Variants in LRRC2 observed in about 807,000 individuals in gnomAD.
LRRC2 encodes the protein leucine rich repeat containing 2.
A neutral mutation model predicts 40.2 loss-of-function variants in LRRC2; 27 were observed. The observed-to-expected ratio is 0.67, with a 90% CI of 0.49 to 0.93. LRRC2 has a LOEUF of 0.93. Ranked by LOEUF, LRRC2 falls within the 40% of genes least tolerant of loss-of-function variation. The pLI, the probability that LRRC2 is intolerant of heterozygous loss-of-function variation, is 0.00. For synonymous variants in LRRC2, 147 were observed against 158.9 expected (o/e 0.92, Z 0.56); for missense variants, 402 against 439.6 (o/e 0.91, Z 0.76).
intron 5 of LRRC2, among the ~76,000 whole-genome samples, chr3:46,530,827 G>A (rs1448531178): frequency 6.6e-6 from 1 of 152,182 alleles, no homozygotes; most frequent in African/African-American, 2.4e-5. Flanking sequence ...CACAACGTGT[G>A]GGAATTATGG....
intron 1 of LRRC2, among the ~76,000 whole-genome samples, chr3:46,564,189 G>A (rs1348490049): frequency 6.6e-6 from 1 of 152,124 alleles, no homozygotes; most frequent in Non-Finnish European, 1.5e-5. Context: ...GGGTGGGGGA[G>A]GGGTTGGGAG....
At chr3:46,544,166 G>T (rs1407858114) in intron 3 of LRRC2, among the ~76,000 whole-genome samples, 2 of 136,754 alleles carry the variant, frequency 1.5e-5, no homozygotes, top group Admixed American at 1.5e-4. Context: ...AGGGTAATAG[G>T]CTCAAGCTCA....
intron 3 of LRRC2, among the ~76,000 whole-genome samples, chr3:46,544,690 G>A (rs1222704252): frequency 2.6e-5 from 4 of 152,210 alleles, no homozygotes; most frequent in Non-Finnish European, 4.4e-5. Context: ...TCGGCACTTC[G>A]GCAAGTAAGT....
At position 46,527,415 on chromosome 3, in the gene LRRC2, G is replaced by A. The variant is rs573014011; in HGVS notation, c.929+11C>T. ...TCTGAGTGTGTCTACTGGGATTTCC[G>A]GGCTACTCACTTTAAAGGTGTGGAT... On this transcript the variant is annotated intron_variant, in intron 7 of 8. Transcript: ENST00000395905. The A allele has an allele frequency of 8.9e-5, 144 of 1,613,560 alleles. 1 individual carries two copies. In the South Asian group the frequency reaches 1.0e-3, roughly 12 times the overall value.
chr3:46,534,407 T>A (rs1202625110), intron 4 of LRRC2, among the ~76,000 whole-genome samples: 1 of 150,940 alleles, frequency 6.6e-6, no homozygotes, highest in Admixed American at 6.6e-5. Flanking sequence ...TTTCTTTTCT[T>A]TTCTTTTCCT....
At chr3:46,547,857 T>C (rs1704563624) in intron 2 of LRRC2, among the ~76,000 whole-genome samples, 1 of 128,746 alleles carries the variant, frequency 7.8e-6, no homozygotes, top group Non-Finnish European at 1.7e-5. Flanking sequence ...CTGTGTGATT[T>C]AGTTTTATAA....
rs777432539 is a variant in LRRC2, at chr3:46,527,459, G to A, written c.896C>T (p.Pro299Leu). The change falls in exon 7 of 9, where the codon CCA (proline) becomes CTA (leucine). Residue 299 changes from proline (P) to leucine (L), a missense_variant. By Grantham distance (98) the Pro-to-Leu change is moderately conservative (BLOSUM62 -3). Coordinates refer to ENST00000395905, the MANE Select transcript of LRRC2 (RefSeq NM_024512.5). ...VVSGDHLVEL[P>L]TALCDSSTPL... ...TGTGGATGAGTCACAAAGGGCAGTT[G>A]GGAGCTCCACCAAATGGTCCCCACT... 3.7e-6 allele frequency: 6 copies of A among 1,613,746 alleles called. No individual in the cohort carries two copies. Among genetic ancestry groups the A allele is most frequent in the Admixed American group, 1.7e-5 (1 of 59,972 alleles).
rs1703892471 is a variant in LRRC2, at chr3:46,517,795, C to G, written c.*1219G>C. ...GCCCAAAGTCTTGTAATGAATCCCA[C>G]CTCTCCCAAATTCAAACAGCCCATG... On this transcript the variant is annotated 3_prime_UTR_variant, in exon 9 of 9. Transcript: ENST00000395905. 1 of 152,230 alleles carries G rather than the reference C, an allele frequency of 6.6e-6. No homozygotes were observed. Among genetic ancestry groups the G allele is most frequent in the South Asian group, 2.1e-4 (1 of 4,826 alleles). The allele number at this position is 152,230 out of a possible 1,614,324, so 9.4% of individuals were successfully genotyped here. A position where few individuals can be genotyped will look rare whatever the true frequency, so the allele number is the denominator to read the frequency against.
intron 6 of LRRC2, among the ~76,000 whole-genome samples, chr3:46,529,115 CA>C (rs71942983): frequency 0.47 from 67,250 of 142,124 alleles, 15,334 homozygotes; most frequent in East Asian, 0.63. Flanking sequence ...GACTCTGTCT[CA>C]AAAAAAAAAA....
intron 8 of LRRC2, 113 bp from the exon 9 acceptor site, chr3:46,519,176 T>C (rs1019008713): frequency 3.1e-5 from 24 of 774,452 alleles, no homozygotes; most frequent in Admixed American, 1.8e-5. Context: ...TATTGTCACT[T>C]CATGTTTTAA....
chr3:46,549,139 T>C (rs1007665943), intron 2 of LRRC2, among the ~76,000 whole-genome samples: 3 of 152,192 alleles, frequency 2.0e-5, no homozygotes, highest in East Asian at 1.9e-4. Context: ...AACTACAGCA[T>C]TACAGGATGA....
chr3:46,552,208 A>G (rs1339013204), intron 1 of LRRC2, among the ~76,000 whole-genome samples: 1 of 152,008 alleles, frequency 6.6e-6, no homozygotes, highest in Non-Finnish European at 1.5e-5. Flanking sequence ...TATTAAATTC[A>G]CTAGTATATG....
At chr3:46,520,620 A>T (rs1002935147) in intron 8 of LRRC2, among the ~76,000 whole-genome samples, 1 of 152,186 alleles carries the variant, frequency 6.6e-6, no homozygotes, top group African/African-American at 2.4e-5. Flanking sequence ...TCAGACATCT[A>T]CTGATGAGGG....
intron 4 of LRRC2, among the ~76,000 whole-genome samples, chr3:46,535,274 T>C (rs1020659610): frequency 2.0e-5 from 3 of 152,250 alleles, no homozygotes; most frequent in Non-Finnish European, 4.4e-5. Context: ...TACTCACATG[T>C]CATAAGAATT....
At chr3:46,542,013 T>C (rs1704405202) in intron 3 of LRRC2, among the ~76,000 whole-genome samples, 1 of 151,982 alleles carries the variant, frequency 6.6e-6, no homozygotes, top group African/African-American at 2.4e-5. Flanking sequence ...CATTCATGAA[T>C]AATCATGAAT....
intron 2 of LRRC2, among the ~76,000 whole-genome samples, chr3:46,546,146 T>C (rs1704520964): frequency 6.6e-6 from 1 of 152,246 alleles, no homozygotes; most frequent in Non-Finnish European, 1.5e-5. Flanking sequence ...TTCTGGGGGC[T>C]ACTTTAGAAA....
rs75443064 is a variant in LRRC2 at position 46,561,142 on chromosome 3, C to T, written c.-20+5035G>A. ...CCCTGCTTGCCCCCAGAGAACCATC[C>T]GGAGTAGTTAGCATGTTTCATGTCC... On this transcript the variant is annotated intron_variant, in intron 1 of 8. Coordinates refer to ENST00000395905, the MANE Select transcript of LRRC2 (RefSeq NM_024512.5). 8.5e-3 allele frequency among the ~76,000 whole-genome samples: 1,296 copies of T among 152,208 alleles called. 24 individuals are homozygous for T. The highest frequency in any genetic ancestry group is 0.029 in the African/African-American group (1,207 of 41,512).
intron 3 of LRRC2, among the ~76,000 whole-genome samples, chr3:46,541,778 C>T (rs1354571536): frequency 2.0e-5 from 3 of 152,198 alleles, no homozygotes; most frequent in African/African-American, 7.2e-5. Flanking sequence ...CCATGCCACA[C>T]AGCAATTACC....
intron 2 of LRRC2, among the ~76,000 whole-genome samples, chr3:46,547,676 A>AT (rs201541278): frequency 0.072 from 9,640 of 134,152 alleles, 462 homozygotes; most frequent in South Asian, 0.19. Context: ...AAGAAAAAAA[A>AT]AAATATATAT....
Sources: gnomAD v4.1 joint callset for allele counts (sites outside exome capture counted in the v4.1 genomes callset) on GRCh38, gnomAD v4.1.1 for gene constraint, MANE v1.5 for transcripts, NCBI Gene and HGNC (gene_info 2026-07-23, HGNC 2026-07-21) for gene names.